Variants in SLC35F4 observed in about 807,000 individuals in gnomAD.
SLC35F4 encodes solute carrier family 35 member F4.
SLC35F4 carries 24 observed loss-of-function variants against 44.2 expected under a neutral mutation model. The observed-to-expected ratio is 0.54, with a 90% CI of 0.39 to 0.76. The LOEUF is 0.76. Among genes scored for constraint, SLC35F4 ranks in the 30% least tolerant of loss-of-function variants. The pLI, the probability that SLC35F4 is intolerant of heterozygous loss-of-function variation, is 0.00. For synonymous variants in SLC35F4, 238 were observed against 223.6 expected, an observed-to-expected ratio of 1.06 and a Z score of -0.57; for missense variants, 562 against 586.1, an observed-to-expected ratio of 0.96 and a Z score of 0.42.
intron 3 of SLC35F4, among the ~76,000 whole-genome samples, chr14:57,586,791 T>A (rs1385447545): frequency 1.0e-5 from 1 of 96,510 alleles, no homozygotes; most frequent in Non-Finnish European, 2.2e-5. Context: ...ACAAAAGCCA[T>A]AATTGACAGA....
chr14:57,657,380 G>C (rs549655027), intron 1 of SLC35F4, among the ~76,000 whole-genome samples: 27 of 152,284 alleles, frequency 1.8e-4, no homozygotes, highest in South Asian at 1.0e-3. Context: ...TTGGAACTGA[G>C]AGCCATCTCA....
intron 1 of SLC35F4, among the ~76,000 whole-genome samples, chr14:57,659,152 C>T (rs955095430): frequency 8.6e-5 from 13 of 152,036 alleles, no homozygotes; most frequent in African/African-American, 2.9e-4. Context: ...GTTTAATTAC[C>T]AAGGAAACTC....
In SLC35F4 at chr14:57,572,264, A is replaced by G. The variant is rs771156599; in HGVS notation, c.808-245T>C. 1.8e-4 allele frequency among the ~76,000 whole-genome samples: 28 copies of G among 152,098 alleles called. 1 individual carries two copies. Among genetic ancestry groups the G allele is most frequent in the Non-Finnish European group, 3.4e-4 (23 of 68,008 alleles). On this transcript the variant is annotated intron_variant, in intron 4 of 7. Coordinates refer to ENST00000556826, the MANE Select transcript of SLC35F4 (RefSeq NM_001306087.2). ...CTAGTAATTTTATTATTTTTAATAT[A>G]TTTTTACTTTTTTAGGCCTAATAAT...
At chr14:57,875,261 G>A (rs976860148) in intron 1 of SLC35F4, among the ~76,000 whole-genome samples, 1 of 152,172 alleles carries the variant, frequency 6.6e-6, no homozygotes, top group Non-Finnish European at 1.5e-5. Flanking sequence ...AAGGTGATAA[G>A]CACATGCTAT....
intron 1 of SLC35F4, among the ~76,000 whole-genome samples, chr14:57,642,453 G>T (rs992328487): frequency 8.6e-5 from 13 of 152,016 alleles, no homozygotes; most frequent in Admixed American, 2.6e-4. Context: ...ATAAGATACA[G>T]ATTTTTTCTT....
intron 1 of SLC35F4, among the ~76,000 whole-genome samples, chr14:57,764,579 C>T (rs1341821358): frequency 2.0e-5 from 3 of 152,220 alleles, no homozygotes; most frequent in African/African-American, 7.2e-5. Context: ...CAAAGTAACA[C>T]TGGCTGCTAC....
At chr14:57,684,815 G>T (rs1421632562) in intron 1 of SLC35F4, among the ~76,000 whole-genome samples, 4 of 152,146 alleles carry the variant, frequency 2.6e-5, no homozygotes, top group African/African-American at 9.7e-5. Context: ...CATCTCACTT[G>T]GTTCTGATGA....
intron 1 of SLC35F4, among the ~76,000 whole-genome samples, chr14:57,761,482 T>C (rs1261554336): frequency 6.6e-6 from 1 of 152,030 alleles, no homozygotes; most frequent in African/African-American, 2.4e-5. Flanking sequence ...GAACAAAAAT[T>C]GTGTACAAAG....
Position 57,589,368 on chromosome 14 carries a change from A to C in SLC35F4, c.435T>G (p.Thr145=), listed in dbSNP as rs1353840184. 1 of 1,613,988 alleles carries C rather than the reference A, an allele frequency of 6.2e-7. No homozygotes were observed. Among genetic ancestry groups the C allele is most frequent in the East Asian group, 2.2e-5 (1 of 44,864 alleles). Residue 145 remains threonine, a synonymous_variant, in exon 3 of 8, where the codon ACT becomes ACG. Coordinates refer to ENST00000556826, the MANE Select transcript of SLC35F4 (RefSeq NM_001306087.2). ...TATAAGTAATTTTTACAATCTGTGT[A>C]GTTCCAACCCAAGATGATGATACTG... ...ILSVSSSWVG[T]TQIVKITYKN...
At chr14:57,739,242 A>G (rs144916958) in intron 1 of SLC35F4, among the ~76,000 whole-genome samples, 26 of 152,328 alleles carry the variant, frequency 1.7e-4, no homozygotes, top group African/African-American at 5.5e-4. Context: ...TCTCCATGAA[A>G]CATTTCACCA....
intron 1 of SLC35F4, chr14:57,629,740 A>G (rs2140124118): frequency 3.7e-6 from 1 of 270,390 alleles, no homozygotes; most frequent in Admixed American, 4.5e-5. Context: ...ACATGGGCAC[A>G]TAAGACAGGA....
intron 1 of SLC35F4, among the ~76,000 whole-genome samples, chr14:57,958,905 C>T (rs1224634515): frequency 2.0e-5 from 3 of 152,204 alleles, no homozygotes; most frequent in East Asian, 1.9e-4. Flanking sequence ...AAAAGTTAGA[C>T]ATCGTCAGAA....
At chr14:57,611,032 G>T (rs1235794265) in intron 1 of SLC35F4, among the ~76,000 whole-genome samples, 2 of 152,228 alleles carry the variant, frequency 1.3e-5, no homozygotes, top group Non-Finnish European at 2.9e-5. Flanking sequence ...ATAAGGTTGT[G>T]CAGGGATGCT....
At chr14:57,722,746 T>C (rs528466123) in intron 1 of SLC35F4, among the ~76,000 whole-genome samples, 1 of 152,200 alleles carries the variant, frequency 6.6e-6, no homozygotes. Context: ...GTGAAAATGA[T>C]AGGAAGCCTA....
chr14:57,642,081 T>G (rs1001902362), intron 1 of SLC35F4, among the ~76,000 whole-genome samples: 1 of 152,036 alleles, frequency 6.6e-6, no homozygotes, highest in Non-Finnish European at 1.5e-5. Flanking sequence ...AGAGATTCAT[T>G]AGAGTTTAAT....
At chr14:57,795,149 T>C (rs1348484150) in intron 1 of SLC35F4, among the ~76,000 whole-genome samples, 2 of 152,184 alleles carry the variant, frequency 1.3e-5, no homozygotes, top group African/African-American at 2.4e-5. Flanking sequence ...TCAATAAATG[T>C]TAGTAGCTAA....
chr14:57,690,324 T>C (rs892018481), intron 1 of SLC35F4, among the ~76,000 whole-genome samples: 34 of 152,140 alleles, frequency 2.2e-4, no homozygotes, highest in African/African-American at 8.0e-4. Context: ...TGGGGAGAGA[T>C]AGTTAATAAA....
chr14:57,677,673 T>A (rs899241265), intron 1 of SLC35F4, among the ~76,000 whole-genome samples: 1 of 152,016 alleles, frequency 6.6e-6, no homozygotes, highest in East Asian at 1.9e-4. Context: ...AATGATTTTT[T>A]AAACTTGCCT....
intron 1 of SLC35F4, among the ~76,000 whole-genome samples, chr14:57,675,092 T>C (rs1023476595): frequency 6.6e-6 from 1 of 152,098 alleles, no homozygotes; most frequent in African/African-American, 2.4e-5. Context: ...AATTCATTTA[T>C]GGTAGAAAAC....
Sources: gnomAD v4.1 joint callset for allele counts (sites outside exome capture counted in the v4.1 genomes callset) on GRCh38, gnomAD v4.1.1 for gene constraint, MANE v1.5 for transcripts, NCBI Gene and HGNC (gene_info 2026-07-23, HGNC 2026-07-21) for gene names.